Variants in MICU3 observed in about 807,000 individuals in gnomAD.
The protein encoded by MICU3 is mitochondrial calcium uptake 3, also known as calcium uptake protein 3, mitochondrial.
MICU3 carries 62 observed loss-of-function variants against 66.5 expected under a neutral mutation model. That is an observed-to-expected ratio of 0.93 (90% CI 0.76 to 1.15). The LOEUF is 1.15. Ranked by LOEUF, MICU3 falls within the 50% of genes most tolerant of loss-of-function variation. MICU3 has a pLI of 0.00. For missense variants in MICU3, 779 were observed against 664.4 expected (o/e 1.17, Z -1.90); for synonymous variants, 308 against 240.7 (o/e 1.28, Z -2.59).
intron 1 of MICU3, among the ~76,000 whole-genome samples, chr8:17,051,620 C>T (rs932418735): frequency 5.3e-5 from 8 of 152,142 alleles, no homozygotes; most frequent in Non-Finnish European, 8.8e-5. Context: ...ACAGTGAAAT[C>T]TTACAAACAG....
intron 1 of MICU3, among the ~76,000 whole-genome samples, chr8:17,040,128 G>A (rs550805358): frequency 1.3e-5 from 2 of 151,800 alleles, no homozygotes; most frequent in African/African-American, 2.4e-5. Flanking sequence ...GGCTGGTCTC[G>A]AACTCCCGAT....
At chr8:17,092,420 T>C (rs1009827151) in intron 8 of MICU3, among the ~76,000 whole-genome samples, 3 of 152,044 alleles carry the variant, frequency 2.0e-5, no homozygotes, top group Non-Finnish European at 2.9e-5. Flanking sequence ...AGAAGCAGAC[T>C]TAAATCGCAA....
At chr8:17,035,324 A>C (rs1031447640) in intron 1 of MICU3, among the ~76,000 whole-genome samples, 5 of 152,356 alleles carry the variant, frequency 3.3e-5, no homozygotes, top group Non-Finnish European at 5.9e-5. Context: ...AAAATGTGGA[A>C]GTGACTTTGG....
rs567535872 is a variant in MICU3 at position 17,105,567 on chromosome 8, A to C, written c.1240A>C (p.Ser414Arg). The change falls in exon 11 of 15, where the codon AGT becomes CGT. Residue 414 changes from serine (S) to arginine (R), a missense_variant. Coordinates refer to ENST00000318063, the MANE Select transcript of MICU3 (RefSeq NM_181723.3). ...TSVFLENVRY[S>R]IPEEKGITFD... The stretch of plus-strand genomic sequence containing the variant: ...AGTATTTTTAGAAAATGTGCGTTAC[A>C]GTATACCTGAAGAAAAGGTATCTAA... 6.5e-7 allele frequency: 1 copy of C among 1,536,152 alleles called. No homozygotes were observed. Among genetic ancestry groups the C allele is most frequent in the South Asian group, 1.2e-5 (1 of 80,334 alleles).
chr8:17,103,514 T>A (rs982363965), intron 9 of MICU3, among the ~76,000 whole-genome samples: 1 of 151,820 alleles, frequency 6.6e-6, no homozygotes, highest in Non-Finnish European at 1.5e-5. Context: ...AGGAGAGTTA[T>A]AGTCCTTTGA....
rs755572210 is a variant in MICU3 at position 17,118,756 on chromosome 8, A to G, written c.1574A>G (p.Lys525Arg). 9 of 1,611,802 alleles carry G rather than the reference A, an allele frequency of 5.6e-6. No individual in the cohort carries two copies. Among genetic ancestry groups the G allele is most frequent in the Non-Finnish European group, 6.8e-6 (8 of 1,178,178 alleles). Residue 525 changes from lysine (K) to arginine (R), a missense_variant, in exon 14 of 15, where the codon AAA (lysine) becomes AGA (arginine). By Grantham distance (26) the Lys-to-Arg change is conservative. Transcript: ENST00000318063. ...KYPTFKSCLK[K>R]ELHSR is the part of the protein sequence containing the mutation. Reference sequence around the variant, plus strand: ...CCCACTTTCAAATCCTGCCTGAAGAAAGAACTTCACAGCAGATAAGTATGT... The same window carrying G: ...CCCACTTTCAAATCCTGCCTGAAGAGAGAACTTCACAGCAGATAAGTATGT...
At chr8:17,030,109 A>G (rs1443489929) in intron 1 of MICU3, among the ~76,000 whole-genome samples, 2 of 152,074 alleles carry the variant, frequency 1.3e-5, no homozygotes, top group East Asian at 3.9e-4. Context: ...TGCTTTCTAT[A>G]TGGCTGCTAT....
the MICU3 span, among the ~76,000 whole-genome samples, chr8:17,135,924 G>A: frequency 5.1e-4 from 78 of 152,132 alleles, no homozygotes; most frequent in African/African-American, 1.8e-3. Context: ...CTACATTAGT[G>A]TAATAAACTC....
At chr8:17,073,184 A>T (rs1819864126) in intron 3 of MICU3, among the ~76,000 whole-genome samples, 1 of 152,212 alleles carries the variant, frequency 6.6e-6, no homozygotes, top group African/African-American at 2.4e-5. Flanking sequence ...TCTTGTAGAA[A>T]TGCATACTAG....
chr8:17,070,372 C>G (rs890567626), intron 3 of MICU3, among the ~76,000 whole-genome samples: 18 of 151,754 alleles, frequency 1.2e-4, no homozygotes, highest in African/African-American at 4.4e-4. Context: ...ATAAGCAGTT[C>G]AAAAATACAA....
At chr8:17,098,625 T>A in intron 9 of MICU3, 72 bp downstream of exon 9, 2 of 1,027,410 alleles carry the variant, frequency 1.9e-6, no homozygotes, top group South Asian at 1.3e-5. Context: ...TTCATTTTAG[T>A]CACAGTGATG....
chr8:17,123,744 T>C (rs1345488885), downstream of MICU3, among the ~76,000 whole-genome samples: 1 of 152,028 alleles, frequency 6.6e-6, no homozygotes, highest in Non-Finnish European at 1.5e-5. Flanking sequence ...ATATAACTAT[T>C]AAAATAATAA....
At chr8:17,042,352 A>G (rs766017197) in intron 1 of MICU3, among the ~76,000 whole-genome samples, 32 of 152,210 alleles carry the variant, frequency 2.1e-4, no homozygotes, top group Non-Finnish European at 4.1e-4. Context: ...ATGTAACTTC[A>G]TTTTATGTAA....
At chr8:17,059,099 T>C (rs1019754737) in intron 1 of MICU3, among the ~76,000 whole-genome samples, 1 of 152,240 alleles carries the variant, frequency 6.6e-6, no homozygotes, top group African/African-American at 2.4e-5. Flanking sequence ...ACATTAAATA[T>C]TCATCTTGGA....
chr8:17,067,318 C>T (rs973006301), intron 2 of MICU3, among the ~76,000 whole-genome samples: 1 of 152,234 alleles, frequency 6.6e-6, no homozygotes, highest in African/African-American at 2.4e-5. Context: ...ATAACAGCCT[C>T]ATGAAGTTTT....
At chr8:17,033,322 A>C (rs1249734950) in intron 1 of MICU3, among the ~76,000 whole-genome samples, 1 of 152,238 alleles carries the variant, frequency 6.6e-6, no homozygotes, top group Non-Finnish European at 1.5e-5. Context: ...ACAGATTATA[A>C]GGAGACAAAA....
At chr8:17,031,013 G>A (rs556407137) in intron 1 of MICU3, among the ~76,000 whole-genome samples, 3 of 151,920 alleles carry the variant, frequency 2.0e-5, no homozygotes, top group Non-Finnish European at 4.4e-5. Context: ...AATTTAATGT[G>A]GTTAGGGGAA....
At chr8:17,068,436 C>G (rs1318494724) in intron 2 of MICU3, among the ~76,000 whole-genome samples, 2 of 152,114 alleles carry the variant, frequency 1.3e-5, no homozygotes, top group African/African-American at 4.8e-5. Flanking sequence ...TACTTTTCTA[C>G]CATTTATTTT....
At chr8:17,116,735 A>G (rs1802719383) in intron 13 of MICU3, 135 bp downstream of exon 13, 3 of 626,010 alleles carry the variant, frequency 4.8e-6, no homozygotes, top group South Asian at 2.9e-5. Context: ...AAGAAAAAAC[A>G]TAGGCCTTAC....
Sources: allele counts gnomAD v4.1 joint callset (sites outside exome capture counted in the v4.1 genomes callset), GRCh38; gene constraint gnomAD v4.1.1; transcripts MANE v1.5; gene names NCBI Gene and HGNC (gene_info 2026-07-23, HGNC 2026-07-21).